ADAMTSL1: variants seen among roughly 807,000 people sequenced by gnomAD.
The protein encoded by ADAMTSL1 is ADAMTS like 1, also known as ADAMTS-like protein 1.
ADAMTSL1 carries 126 observed loss-of-function variants against 201.8 expected under a neutral mutation model. The observed-to-expected ratio is 0.62, with a 90% CI of 0.54 to 0.72. The LOEUF (loss-of-function observed/expected upper bound fraction) is 0.72. Among genes scored for constraint, ADAMTSL1 ranks in the 30% least tolerant of loss-of-function variants. ADAMTSL1 has a pLI of 0.00. For synonymous variants in ADAMTSL1, 1,121 were observed against 903.4 expected (o/e 1.24, Z -4.32); for missense variants, 2,679 against 2,277.8 (o/e 1.18, Z -3.59).
At chr9:18,178,319 G>C (rs562430430) in intron 2 of ADAMTSL1, among the ~76,000 whole-genome samples, 1 of 151,838 alleles carries the variant, frequency 6.6e-6, no homozygotes, top group Non-Finnish European at 1.5e-5. Flanking sequence ...CTTTTCCGAC[G>C]GGCTTAAAAA....
chr9:18,523,604 G>C (rs1385477076), intron 2 of ADAMTSL1, among the ~76,000 whole-genome samples: 3 of 151,386 alleles, frequency 2.0e-5, no homozygotes, highest in Non-Finnish European at 2.9e-5. Flanking sequence ...AATCCATCTT[G>C]AATTAATTTT....
intron 2 of ADAMTSL1, among the ~76,000 whole-genome samples, chr9:18,184,575 A>T (rs1236980096): frequency 1.3e-5 from 2 of 152,232 alleles, no homozygotes; most frequent in Non-Finnish European, 2.9e-5. Flanking sequence ...ATTTCACCAT[A>T]GCCAAGTGCC....
At chr9:18,900,781 G>A (rs1458982282) in intron 26 of ADAMTSL1, among the ~76,000 whole-genome samples, 1 of 151,470 alleles carries the variant, frequency 6.6e-6, no homozygotes, top group African/African-American at 2.4e-5. Context: ...TTGGCGGTGG[G>A]GGTGGGGGTG....
At chr9:18,219,528 C>T (rs1292827373) in intron 2 of ADAMTSL1, among the ~76,000 whole-genome samples, 3 of 151,992 alleles carry the variant, frequency 2.0e-5, no homozygotes, top group African/African-American at 7.2e-5. Context: ...ACCACCGTGC[C>T]TGGCTAATTT....
At chr9:18,858,750 C>T (rs1170239508) in intron 23 of ADAMTSL1, among the ~76,000 whole-genome samples, 2 of 152,146 alleles carry the variant, frequency 1.3e-5, no homozygotes, top group Non-Finnish European at 2.9e-5. Context: ...GATCTCAGGT[C>T]TTACCTTTGT....
chr9:18,057,218 A>G (rs944842155), intron 1 of ADAMTSL1, among the ~76,000 whole-genome samples: 1 of 152,028 alleles, frequency 6.6e-6, no homozygotes, highest in African/African-American at 2.4e-5. Flanking sequence ...ATTACTGTGC[A>G]CTCACGGTTT....
chr9:18,500,222 A>G (rs899840192), intron 1 of ADAMTSL1, among the ~76,000 whole-genome samples: 1 of 152,240 alleles, frequency 6.6e-6, no homozygotes, highest in African/African-American at 2.4e-5. Flanking sequence ...TGTTGCTGCA[A>G]TTGGCTCTGG....
intron 2 of ADAMTSL1, among the ~76,000 whole-genome samples, chr9:18,355,809 C>G (rs989140316): frequency 8.5e-5 from 13 of 152,216 alleles, no homozygotes; most frequent in African/African-American, 1.2e-4. Context: ...GAGTTCGAGG[C>G]CAGCCTAGGC....
intron 2 of ADAMTSL1, among the ~76,000 whole-genome samples, chr9:18,531,829 G>C (rs1425901550): frequency 6.6e-6 from 1 of 152,156 alleles, no homozygotes. Context: ...AGGCATTAAA[G>C]CATTGTGATC....
intron 1 of ADAMTSL1, among the ~76,000 whole-genome samples, chr9:18,084,726 C>A (rs986799010): frequency 1.9e-5 from 2 of 104,350 alleles, no homozygotes; most frequent in African/African-American, 3.7e-5. Flanking sequence ...CCATTGCTTT[C>A]CTTTCATCTG....
chr9:18,137,751 A>G (rs544292800), intron 1 of ADAMTSL1, among the ~76,000 whole-genome samples: 50 of 152,310 alleles, frequency 3.3e-4, no homozygotes, highest in African/African-American at 1.2e-3. Flanking sequence ...TTGTTTCACT[A>G]TCTGTTTAAT....
intron 2 of ADAMTSL1, among the ~76,000 whole-genome samples, chr9:18,272,118 C>A (rs536458484): frequency 6.6e-6 from 1 of 152,040 alleles, no homozygotes; most frequent in African/African-American, 2.4e-5. Flanking sequence ...TTCTCCCATT[C>A]TGTAGGTTGC....
chr9:18,657,500 C>T, intron 7 of ADAMTSL1, 139 bp from the exon 8 acceptor site: 1 of 618,746 alleles, frequency 1.6e-6, no homozygotes, highest in Admixed American at 2.6e-5. Flanking sequence ...ATGATACTGC[C>T]ATTGCCACTT....
intron 2 of ADAMTSL1, among the ~76,000 whole-genome samples, chr9:18,329,010 C>T (rs1834932442): frequency 6.6e-6 from 1 of 152,168 alleles, no homozygotes; most frequent in South Asian, 2.1e-4. Context: ...TGAATGTTTA[C>T]ATCCCTCCAA....
intron 2 of ADAMTSL1, among the ~76,000 whole-genome samples, chr9:18,183,380 C>T (rs996875666): frequency 1.3e-5 from 2 of 152,124 alleles, no homozygotes; most frequent in African/African-American, 2.4e-5. Context: ...ATAATCAAGA[C>T]TTCACTATAA....
intron 3 of ADAMTSL1, among the ~76,000 whole-genome samples, chr9:18,540,463 T>G (rs1161322454): frequency 6.6e-6 from 1 of 152,182 alleles, no homozygotes; most frequent in African/African-American, 2.4e-5. Flanking sequence ...AGTTGACATT[T>G]AAATGTCCTT....
chr9:18,898,902 G>A (rs1829829635), intron 26 of ADAMTSL1, among the ~76,000 whole-genome samples: 1 of 152,176 alleles, frequency 6.6e-6, no homozygotes, highest in African/African-American at 2.4e-5. Flanking sequence ...AGACAAGGAT[G>A]CCCTCTCTCA....
chr9:18,257,601 C>A (rs1022905224), intron 2 of ADAMTSL1, among the ~76,000 whole-genome samples: 1 of 152,004 alleles, frequency 6.6e-6, no homozygotes, highest in Non-Finnish European at 1.5e-5. Context: ...ATAGTACAGC[C>A]CCTATGAAAA....
chr9:18,520,050 T>C (rs1179654391), intron 2 of ADAMTSL1, among the ~76,000 whole-genome samples: 1 of 152,270 alleles, frequency 6.6e-6, no homozygotes, highest in Middle Eastern at 3.2e-3. Context: ...CAGTGATTTT[T>C]CTAGTTATAG....
Sources: gnomAD v4.1 joint callset for allele counts (sites outside exome capture counted in the v4.1 genomes callset) on GRCh38, gnomAD v4.1.1 for gene constraint, MANE v1.5 for transcripts, NCBI Gene and HGNC (gene_info 2026-07-23, HGNC 2026-07-21) for gene names.